Variants in ZSWIM5 observed in about 807,000 individuals in gnomAD.
ZSWIM5 encodes zinc finger SWIM-type containing 5.
In ZSWIM5, 55 loss-of-function variants were observed where a neutral mutation model predicts 119.6. The ratio of observed to expected loss-of-function variants is 0.46; its 90% CI spans 0.37 to 0.58. ZSWIM5 has a LOEUF of 0.58. Among genes scored for constraint, ZSWIM5 ranks in the 20% least tolerant of loss-of-function variants. ZSWIM5 has a pLI of 0.00. For synonymous variants in ZSWIM5, 537 were observed against 606.9 expected (o/e 0.88, Z 1.69); for missense variants, 1,193 against 1,512.8 (o/e 0.79, Z 3.51).
At chr1:45,042,985 C>A (rs1454324845) in intron 6 of ZSWIM5, among the ~76,000 whole-genome samples, 1 of 152,202 alleles carries the variant, frequency 6.6e-6, no homozygotes, top group African/African-American at 2.4e-5. Flanking sequence ...CTTTCACCCC[C>A]TCAAAACTTA....
chr1:45,185,457 A>T (rs535916338), intron 1 of ZSWIM5, among the ~76,000 whole-genome samples: 1 of 152,160 alleles, frequency 6.6e-6, no homozygotes, highest in South Asian at 2.1e-4. Context: ...ATCAGAGTGA[A>T]CAGGCAACCT....
intron 2 of ZSWIM5, among the ~76,000 whole-genome samples, chr1:45,081,745 G>C (rs1645292981): frequency 6.6e-6 from 1 of 152,182 alleles, no homozygotes; most frequent in Admixed American, 6.5e-5. Context: ...CGTCTGGGAA[G>C]TGAGGAGCGT....
chr1:45,182,902 T>C (rs1414066591), intron 1 of ZSWIM5, among the ~76,000 whole-genome samples: 2 of 151,700 alleles, frequency 1.3e-5, no homozygotes, highest in Non-Finnish European at 2.9e-5. Context: ...GCAGACCTAA[T>C]AGACATCTAC....
Position 45,017,210 on chromosome 1 carries a change from T to C in ZSWIM5, c.*1244A>G, listed in dbSNP as rs1644859283. On this transcript the variant is annotated 3_prime_UTR_variant, in exon 14 of 14. Coordinates refer to ENST00000359600, the MANE Select transcript of ZSWIM5 (RefSeq NM_020883.2). ...GAGAAATCTGGCAAAAAGGACACAT[T>C]GATGCAGATCCTCAAACATGAATAC... is the stretch of plus-strand genomic sequence containing the variant. 6.6e-6 allele frequency: 1 copy of C among 152,202 alleles called. No individual in the cohort carries two copies. Among genetic ancestry groups the C allele is most frequent in the African/African-American group, 2.4e-5 (1 of 41,438 alleles). 9.4% of individuals were successfully genotyped at this position (152,202 alleles called of 1,614,324 possible).
chr1:45,115,034 T>C (rs1193259513), intron 1 of ZSWIM5, among the ~76,000 whole-genome samples: 3 of 152,210 alleles, frequency 2.0e-5, no homozygotes, highest in African/African-American at 4.8e-5. Flanking sequence ...GAGTCTCCCA[T>C]GTCCACCTCT....
intron 1 of ZSWIM5, among the ~76,000 whole-genome samples, chr1:45,155,897 G>A (rs2149039527): frequency 6.6e-6 from 1 of 152,050 alleles, no homozygotes; most frequent in East Asian, 1.9e-4. Flanking sequence ...AGAGTGGGAA[G>A]TGGGTGAGGA....
intron 1 of ZSWIM5, among the ~76,000 whole-genome samples, chr1:45,128,047 G>A (rs1478000420): frequency 6.6e-6 from 1 of 152,130 alleles, no homozygotes; most frequent in Non-Finnish European, 1.5e-5. Context: ...TAGTAAAAAT[G>A]TCAATTCTTT....
rs1421933989 is a variant in ZSWIM5, at chr1:45,182,917, C to T, written c.595+22839G>A. ...GCAGACCTAATAGACATCTACAGAA[C>T]TCTCCACCCCAAATCAACAGAATAT... On this transcript the variant is annotated intron_variant, in intron 1 of 13. Coordinates refer to ENST00000359600, the MANE Select transcript of ZSWIM5 (RefSeq NM_020883.2). 2.4e-4 allele frequency among the ~76,000 whole-genome samples: 37 copies of T among 151,292 alleles called. 1 individual carries two copies. Among genetic ancestry groups the T allele is most frequent in the Admixed American group, 2.2e-3 (33 of 15,214 alleles).
At chr1:45,118,795 T>C (rs1035785703) in intron 1 of ZSWIM5, among the ~76,000 whole-genome samples, 22 of 150,146 alleles carry the variant, frequency 1.5e-4, no homozygotes, top group African/African-American at 5.1e-4. Flanking sequence ...ATTGGACGAA[T>C]TAATCACTTA....
chr1:45,143,834 C>T (rs1156730866), intron 1 of ZSWIM5, among the ~76,000 whole-genome samples: 1 of 151,530 alleles, frequency 6.6e-6, no homozygotes, highest in African/African-American at 2.4e-5. Flanking sequence ...AAAAACCAAA[C>T]ATATTTCTTT....
chr1:45,064,764 A>G (rs1645173775), intron 2 of ZSWIM5, among the ~76,000 whole-genome samples: 1 of 152,172 alleles, frequency 6.6e-6, no homozygotes, highest in Non-Finnish European at 1.5e-5. Context: ...TTATTCTCCT[A>G]ATTTTAAAAT....
At chr1:45,051,030 T>G in intron 5 of ZSWIM5, 44 bp downstream of exon 5, 4 of 1,577,838 alleles carry the variant, frequency 2.5e-6, no homozygotes, top group Non-Finnish European at 3.4e-6. Context: ...CTCCCACCTT[T>G]TGAAGTTCCA....
intron 1 of ZSWIM5, among the ~76,000 whole-genome samples, chr1:45,164,137 A>C (rs1170100851): frequency 3.3e-5 from 5 of 152,306 alleles, no homozygotes; most frequent in Middle Eastern, 3.4e-3. Context: ...AGAAACTCTA[A>C]AAGCCAGAAG....
intron 1 of ZSWIM5, among the ~76,000 whole-genome samples, chr1:45,131,959 C>T (rs946688130): frequency 4.0e-5 from 6 of 151,076 alleles, no homozygotes; most frequent in Non-Finnish European, 5.9e-5. Context: ...TGGGGCAGGG[C>T]AGCTGACACA....
At chr1:45,096,621 A>G (rs1020789911) in intron 1 of ZSWIM5, among the ~76,000 whole-genome samples, 5 of 152,146 alleles carry the variant, frequency 3.3e-5, no homozygotes, top group Admixed American at 3.3e-4. Flanking sequence ...ATAAAGCACC[A>G]AACATTTTCA....
chr1:45,109,885 G>A (rs907128118), intron 1 of ZSWIM5, among the ~76,000 whole-genome samples: 3 of 150,510 alleles, frequency 2.0e-5, no homozygotes, highest in Admixed American at 6.6e-5. Context: ...TTTTTTTTTA[G>A]GCAAGGTCTC....
At chr1:45,201,749 A>T (rs1168813780) in intron 1 of ZSWIM5, among the ~76,000 whole-genome samples, 1 of 152,208 alleles carries the variant, frequency 6.6e-6, no homozygotes, top group East Asian at 1.9e-4. Context: ...CATTTGAAGA[A>T]ATTGATAAAT....
chr1:45,115,569 T>C (rs1234059506), intron 1 of ZSWIM5, among the ~76,000 whole-genome samples: 4 of 129,336 alleles, frequency 3.1e-5, no homozygotes, highest in Non-Finnish European at 4.8e-5. Context: ...TCCCCACATC[T>C]CAGACGATGG....
At chr1:45,196,269 C>A (rs1459738812) in intron 1 of ZSWIM5, among the ~76,000 whole-genome samples, 1 of 151,104 alleles carries the variant, frequency 6.6e-6, no homozygotes, top group Non-Finnish European at 1.5e-5. Context: ...GGTCCTAATT[C>A]TCAGCAGATT....
Sources: allele counts gnomAD v4.1 joint callset (sites outside exome capture counted in the v4.1 genomes callset), GRCh38; gene constraint gnomAD v4.1.1; transcripts MANE v1.5; gene names NCBI Gene and HGNC (gene_info 2026-07-23, HGNC 2026-07-21).